The following FBXL19 variants were observed in gnomAD, a reference collection of about 807,000 sequenced individuals.
The protein encoded by FBXL19 is F-box and leucine rich repeat protein 19.
FBXL19 carries 16 observed loss-of-function variants against 71.2 expected under a neutral mutation model. The ratio of observed to expected loss-of-function variants is 0.22; its 90% CI spans 0.15 to 0.34. The LOEUF (loss-of-function observed/expected upper bound fraction) is 0.34, where lower values mean the gene tolerates loss of function less well. FBXL19 is among the 10% of genes least tolerant of loss of function. The probability of loss-of-function intolerance (pLI) is 1.00; values close to 1 mark genes in which losing one functional copy is unlikely to be tolerated. For missense variants in FBXL19, 658 were observed against 968.2 expected, an observed-to-expected ratio of 0.68 and a Z score of 4.25; for synonymous variants, 447 against 409.4, an observed-to-expected ratio of 1.09 and a Z score of -1.11.
At chr16:30,940,790 C>T (rs1783128477) in intron 7 of FBXL19, among the ~76,000 whole-genome samples, 1 of 152,056 alleles carries the variant, frequency 6.6e-6, no homozygotes, top group African/African-American at 2.4e-5. Context: ...CCTCAGCCTC[C>T]CGAGTAGCTA....
chr16:30,925,734 T>TCGG lies in FBXL19; in HGVS notation c.-18_-16dup. ...CCCTGCCACCATCCACCTACAGCCC[T>TCGG]CGGCGTTGCTGACGCCCCCAATGTC... On this transcript the variant is annotated 5_prime_UTR_variant, in exon 2 of 11. Transcript: ENST00000338343. This position sits in a 1 kb window ranked among gnomAD's most constrained non-coding sequence, Gnocchi z 5.0. 2 of 1,490,508 alleles carry TCGG rather than the reference T, an allele frequency of 1.3e-6. No individual in the cohort carries two copies. Among genetic ancestry groups the TCGG allele is most frequent in the Non-Finnish European group, 8.9e-7 (1 of 1,125,906 alleles). The allele number at this position is 1,490,508 out of a possible 1,614,324, so 92.3% of individuals were successfully genotyped here. A position where few individuals can be genotyped will look rare whatever the true frequency, so the allele number is the denominator to read the frequency against.
rs961636683 is a variant in FBXL19, at chr16:30,925,392, C to T, written c.-24-339C>T. Among the ~76,000 whole-genome samples, 10 of 152,110 alleles carry T rather than the reference C, an allele frequency of 6.6e-5. No individual in the cohort carries two copies. The highest frequency in any genetic ancestry group is 5.9e-4 in the Admixed American group (9 of 15,278). On this transcript the variant is annotated intron_variant, in intron 1 of 10. Transcript: ENST00000338343. This position sits in a 1 kb window ranked among gnomAD's most constrained non-coding sequence, Gnocchi z 5.0. ...TTGGGATCTCTCCAAGCTAACACCA[C>T]GGACAAGGAGTGCCTGGCCTTTCCA... is the stretch of plus-strand genomic sequence containing the variant.
chr16:30,941,177 A>G (rs181108552), intron 7 of FBXL19, among the ~76,000 whole-genome samples: 4 of 152,290 alleles, frequency 2.6e-5, no homozygotes, highest in Non-Finnish European at 4.4e-5. Context: ...AGCTTGATTC[A>G]TTCATTACAA....
rs536763146 is a variant in FBXL19, at chr16:30,944,294, A to G, written c.1627+1758A>G. ...GTCATGGGGGTTTGTTGTACCGATTATTTCATCACCCAGGTATTAAGTCTA... is the reference window on the plus strand; with the variant it reads ...GTCATGGGGGTTTGTTGTACCGATTGTTTCATCACCCAGGTATTAAGTCTA... On this transcript the variant is annotated intron_variant, in intron 9 of 10. Transcript: ENST00000338343. Among the ~76,000 whole-genome samples the G allele has an allele frequency of 1.5e-4, 22 of 143,262 alleles. No individual in the cohort carries two copies. The South Asian group carries it at 4.8e-3, about 31-fold the overall frequency. The allele number at this position is 143,262 out of a possible 152,430, so 94.0% of individuals were successfully genotyped here.
chr16:30,928,753 G>A (rs2055634633), intron 6 of FBXL19, 125 bp downstream of exon 6: 3 of 332,732 alleles, frequency 9.0e-6, no homozygotes, highest in African/African-American at 2.4e-5. Context: ...CACGGTGGGT[G>A]TCCGGACACC....
Position 30,942,004 on chromosome 16 carries a change from T to C in FBXL19, c.1302-112T>C, listed in dbSNP as rs993751651. 1 of 1,231,808 alleles carries C rather than the reference T, an allele frequency of 8.1e-7. No individual in the cohort carries two copies. The highest frequency in any genetic ancestry group is 1.5e-5 in the African/African-American group (1 of 65,816). The allele number at this position is 1,231,808 out of a possible 1,614,324, so 76.3% of individuals were successfully genotyped here. A position where few individuals can be genotyped will look rare whatever the true frequency, so the allele number is the denominator to read the frequency against. The stretch of plus-strand genomic sequence containing the variant: ...TCAGGTGCTTCTTGCTACCCTGTTG[T>C]CTGTGTGGCCAGAAGAGAGCTGGGG... On this transcript the variant is annotated intron_variant, in intron 7 of 10. Transcript: ENST00000338343. The surrounding 1 kb of genome is among the most constrained non-coding windows in gnomAD (Gnocchi z 5.7).
chr16:30,939,589 A>ATT (rs952268362), intron 7 of FBXL19, among the ~76,000 whole-genome samples: 2 of 131,882 alleles, frequency 1.5e-5, no homozygotes, highest in South Asian at 4.9e-4. Flanking sequence ...AATTTTTTGT[A>ATT]TTTTTTTTTT....
In FBXL19 at chr16:30,930,501, G is replaced by A; in HGVS notation, c.1218G>A (p.Arg406=). ...LAAGSDHPLP[R]AAWLRVFQHL... ...CTGGATCCGACCACCCCCTGCCCCGGGCCGCCTGGCTTCGCGTCTTCCAGC... is the reference window on the plus strand; with the variant it reads ...CTGGATCCGACCACCCCCTGCCCCGAGCCGCCTGGCTTCGCGTCTTCCAGC... The change falls in exon 7 of 11, where the codon CGG becomes CGA. Residue 406 remains arginine, a synonymous_variant. Coordinates refer to ENST00000338343, the MANE Select transcript of FBXL19 (RefSeq NM_001382779.1). This position sits in a 1 kb window ranked among gnomAD's most constrained non-coding sequence, Gnocchi z 8.5. The A allele has an allele frequency of 6.5e-7, 1 of 1,530,816 alleles. No individual in the cohort carries two copies. The highest frequency in any genetic ancestry group is 2.5e-5 in the East Asian group (1 of 40,244). The allele number at this position is 1,530,816 out of a possible 1,614,324, so 94.8% of individuals were successfully genotyped here. A position where few individuals can be genotyped will look rare whatever the true frequency, so the allele number is the denominator to read the frequency against.
In FBXL19 at chr16:30,942,872, A is replaced by G. The variant is rs1373013884; in HGVS notation, c.1627+336A>G. Among the ~76,000 whole-genome samples the G allele has an allele frequency of 6.6e-6, 1 of 152,182 alleles. No homozygotes were observed. Among genetic ancestry groups the G allele is most frequent in the African/African-American group, 2.4e-5 (1 of 41,442 alleles). ...ATCTCATCATCCTTTAGGCCTGGGT[A>G]TAAATGCCACTTCCTCCAAGAAGCT... On this transcript the variant is annotated intron_variant, in intron 9 of 10. Coordinates refer to ENST00000338343, the MANE Select transcript of FBXL19 (RefSeq NM_001382779.1). The surrounding 1 kb of genome is among the most constrained non-coding windows in gnomAD (Gnocchi z 5.7).
In FBXL19 at chr16:30,942,143, A is replaced by G. The variant is rs774581941; in HGVS notation, c.1329A>G (p.Arg443=). ...RWCYDKRLWP[R]MDLSRRKSLT... is the part of the protein sequence containing the mutation. The stretch of plus-strand genomic sequence containing the variant: ...GCTATGACAAGCGTCTGTGGCCTCG[A>G]ATGGACCTGAGCCGGCGGAAGTCAC... Residue 443 remains arginine (R), a synonymous_variant, in exon 8 of 11, where the codon CGA becomes CGG. Transcript: ENST00000338343. This position sits in a 1 kb window ranked among gnomAD's most constrained non-coding sequence, Gnocchi z 5.7. 8.1e-6 allele frequency: 13 copies of G among 1,596,872 alleles called. No homozygotes were observed. The South Asian group carries it at 1.4e-4, about 17-fold the overall frequency.
chr16:30,938,705 C>T (rs575338381), intron 7 of FBXL19, among the ~76,000 whole-genome samples: 2 of 152,214 alleles, frequency 1.3e-5, no homozygotes, highest in East Asian at 1.9e-4. Flanking sequence ...GGTGCAGTCT[C>T]GGCTCACTGC....
At chr16:30,929,056 T>C (rs376627989) in intron 6 of FBXL19, among the ~76,000 whole-genome samples, 17 of 152,286 alleles carry the variant, frequency 1.1e-4, no homozygotes, top group African/African-American at 4.1e-4. Context: ...GCAATGAGCT[T>C]TGTAAGCTAT....
chr16:30,928,038 G>C, intron 5 of FBXL19, 75 bp downstream of exon 5: 1 of 1,051,314 alleles, frequency 9.5e-7, no homozygotes, highest in Non-Finnish European at 1.4e-6. Context: ...GTTCTGTGGG[G>C]CTGTGTGGGC....
rs948622513 is a variant in FBXL19 at position 30,923,798 on chromosome 16, G to T, written c.-686G>T. 1.3e-5 allele frequency among the ~76,000 whole-genome samples: 2 copies of T among 150,862 alleles called. No individual in the cohort carries two copies. The highest frequency in any genetic ancestry group is 3.0e-5 in the Non-Finnish European group (2 of 67,470). On this transcript the variant is annotated 5_prime_UTR_variant, in exon 1 of 11. Coordinates refer to ENST00000338343, the MANE Select transcript of FBXL19 (RefSeq NM_001382779.1). ...TCTCCCGAGGGTCGCGCGCTTGGGG[G>T]AGGGGGAGAGGTCGGGGGTGCGCGC...
Position 30,946,810 on chromosome 16 carries a change from C to T in FBXL19, c.1708C>T (p.Arg570Cys). The T allele has an allele frequency of 1.2e-6, 2 of 1,613,084 alleles. No individual in the cohort carries two copies. The highest frequency in any genetic ancestry group is 1.1e-5 in the South Asian group (1 of 90,976). Residue 570 changes from arginine to cysteine, a missense_variant, in exon 10 of 11, where the codon CGT (arginine) becomes TGT (cysteine). Arg to Cys is a radical substitution (Grantham distance 180). This residue lies in a region of FBXL19 where 69 missense variants were observed against 177.8 expected (regional missense o/e 0.39). Transcript: ENST00000338343. The surrounding 1 kb of genome is among the most constrained non-coding windows in gnomAD (Gnocchi z 6.7). ...AGLELTDASL[R>C]LLLRHAPQLS... Reference sequence around the variant, plus strand: ...TTTGGAGCTGACAGATGCCTCCCTGCGTCTCCTGCTGCGTCACGCACCCCA... The same window carrying T: ...TTTGGAGCTGACAGATGCCTCCCTGTGTCTCCTGCTGCGTCACGCACCCCA...
At chr16:30,944,372 C>G (rs1275690943) in intron 9 of FBXL19, among the ~76,000 whole-genome samples, 1 of 151,764 alleles carries the variant, frequency 6.6e-6, no homozygotes, top group Non-Finnish European at 1.5e-5. Flanking sequence ...TGAAAGGCTC[C>G]AGGGTGTGTT....
In FBXL19 at chr16:30,930,242, C is replaced by T. The variant is rs747798201; in HGVS notation, c.959C>T (p.Ser320Leu). The change falls in exon 7 of 11, where the codon TCG (serine) becomes TTG (leucine). Residue 320 changes from serine to leucine, a missense_variant. Around this residue, in one of 8 missense-constraint regions of FBXL19, gnomAD observed 447 missense variants for 515.4 expected, o/e 0.87. Coordinates refer to ENST00000338343, the MANE Select transcript of FBXL19 (RefSeq NM_001382779.1). This position sits in a 1 kb window ranked among gnomAD's most constrained non-coding sequence, Gnocchi z 8.5. ...SDSDSDSSGT[S>L]LSEDEAPGEA... is the part of the protein sequence containing the mutation. ...TCCGACTCCGACTCTTCGGGCACAT[C>T]GCTGAGTGAGGACGAAGCCCCCGGC... is the stretch of plus-strand genomic sequence containing the variant. The T allele has an allele frequency of 7.4e-6, 12 of 1,612,990 alleles. No individual in the cohort carries two copies. Among genetic ancestry groups the T allele is most frequent in the Admixed American group, 1.7e-5 (1 of 60,030 alleles).
At chr16:30,924,909 A>G in intron 1 of FBXL19, 2 of 566,468 alleles carry the variant, frequency 3.5e-6, no homozygotes, top group Non-Finnish European at 5.7e-6. Context: ...GGGTCCTAGG[A>G]CTGAGCCCAT....
rs2055563944 is a variant in FBXL19 at position 30,924,331 on chromosome 16, CG to C, written c.-147del. The C allele has an allele frequency of 6.4e-6, 1 of 155,434 alleles. No individual in the cohort carries two copies. Among genetic ancestry groups the C allele is most frequent in the Non-Finnish European group, 1.4e-5 (1 of 70,252 alleles). The allele number at this position is 155,434 out of a possible 1,614,324, so 9.6% of individuals were successfully genotyped here. On this transcript the variant is annotated 5_prime_UTR_variant, in exon 1 of 11. Coordinates refer to ENST00000338343, the MANE Select transcript of FBXL19 (RefSeq NM_001382779.1). Reference sequence around the variant, plus strand: ...GCCGGAGGGAGGGGCCGAGCGCCCTCGGGGGGCCGTGGACCCCGGCGTTCTG... The same window carrying C: ...GCCGGAGGGAGGGGCCGAGCGCCCTCGGGGGCCGTGGACCCCGGCGTTCTG...
Sources: gnomAD v4.1 joint callset for allele counts (sites outside exome capture counted in the v4.1 genomes callset) on GRCh38, gnomAD v4.1.1 for gene constraint, gnomAD v4.1.1 regional missense constraint, Gnocchi (gnomAD v3.1) non-coding constraint, MANE v1.5 for transcripts, NCBI Gene and HGNC (gene_info 2026-07-23, HGNC 2026-07-21) for gene names.